The following MYO18A variants were observed in gnomAD, a reference collection of about 807,000 sequenced individuals.
MYO18A encodes myosin XVIIIA, also known as unconventional myosin-XVIIIa.
In MYO18A, 78 loss-of-function variants were observed where a neutral mutation model predicts 235.8. That is an observed-to-expected ratio of 0.33 (90% CI 0.28 to 0.40). The LOEUF is 0.40. Among genes scored for constraint, MYO18A ranks in the 10% least tolerant of loss-of-function variants. The probability of loss-of-function intolerance (pLI) is 1.00; values close to 1 mark genes in which losing one functional copy is unlikely to be tolerated. For synonymous variants in MYO18A, 977 were observed against 1,077.8 expected (o/e 0.91, Z 1.83); for missense variants, 2,215 against 2,699.3 (o/e 0.82, Z 3.98).
intron 2 of MYO18A, chr17:29,133,836 T>C: frequency 2.3e-6 from 3 of 1,289,320 alleles, no homozygotes; most frequent in Non-Finnish European, 3.0e-6. Flanking sequence ...GAAAAGGCCA[T>C]GGCGCTGAAG....
chr17:29,114,935 A>C lies in MYO18A; in HGVS notation c.2483T>G (p.Phe828Cys), dbSNP rs1342570137. ...RLQRLFHERT[F>C]VQELERYKEE... The stretch of plus-strand genomic sequence containing the variant: ...CTTGTATCTTTCCAACTCCTGCACG[A>C]AGGTGCGCTCGTGGAAGAGCCTCTG... The change falls in exon 14 of 42, where the codon TTC (phenylalanine) becomes TGC (cysteine). Residue 828 changes from phenylalanine to cysteine, a missense_variant. Coordinates refer to ENST00000527372, the MANE Select transcript of MYO18A (RefSeq NM_078471.4). The C allele has an allele frequency of 6.2e-7, 1 of 1,613,960 alleles. No homozygotes were observed. The highest frequency in any genetic ancestry group is 8.5e-7 in the Non-Finnish European group (1 of 1,179,866).
intron 21 of MYO18A, among the ~76,000 whole-genome samples, chr17:29,101,599 G>A (rs959666495): frequency 2.0e-5 from 3 of 152,176 alleles, no homozygotes; most frequent in African/African-American, 4.8e-5. Context: ...GAGCCACCAC[G>A]CCTGGCCCCC....
At position 29,082,199 on chromosome 17, in the gene MYO18A, G is replaced by A. The variant is rs78767070; in HGVS notation, c.6020+117C>T. 652 of 1,362,468 alleles carry A rather than the reference G, an allele frequency of 4.8e-4. 1 individual carries two copies. The African/African-American group carries it at 7.4e-3, about 15-fold the overall frequency. 84.4% of individuals were successfully genotyped at this position (1,362,468 alleles called of 1,614,324 possible). A position where few individuals can be genotyped will look rare whatever the true frequency, so the allele number is the denominator to read the frequency against. On this transcript the variant is annotated intron_variant, in intron 41 of 41. Transcript: ENST00000527372. ...CACATGCCAGAAGCATGCCCGGGCCGCAGTCACAAATGCCAGACAAGAGAC... is the reference window on the plus strand; with the variant it reads ...CACATGCCAGAAGCATGCCCGGGCCACAGTCACAAATGCCAGACAAGAGAC...
Position 29,071,238 on chromosome 17 carries a change from A to G in MYO18A, c.*3532T>C, listed in dbSNP as rs1438755412. 6.6e-6 allele frequency: 1 copy of G among 152,164 alleles called. No individual in the cohort carries two copies. The highest frequency in any genetic ancestry group is 6.5e-5 in the Admixed American group (1 of 15,276). The allele number at this position is 152,164 out of a possible 1,614,324, so 9.4% of individuals were successfully genotyped here. A position where few individuals can be genotyped will look rare whatever the true frequency, so the allele number is the denominator to read the frequency against. ...TTCAGGAGTCAGAGCAATCCCGGGGATCTGCAGTTATAGAGGAGGATCTAG... is the reference window on the plus strand; with the variant it reads ...TTCAGGAGTCAGAGCAATCCCGGGGGTCTGCAGTTATAGAGGAGGATCTAG... On this transcript the variant is annotated 3_prime_UTR_variant, in exon 42 of 42. Transcript: ENST00000527372.
chr17:29,079,779 C>T (rs2066071190), intron 41 of MYO18A: 1 of 985,660 alleles, frequency 1.0e-6, no homozygotes, highest in Admixed American at 6.1e-5. Flanking sequence ...GGCTGTCCAC[C>T]TCTTTCTTGC....
At chr17:29,112,968 A>G (rs2066968736) in intron 15 of MYO18A, among the ~76,000 whole-genome samples, 1 of 152,192 alleles carries the variant, frequency 6.6e-6, no homozygotes, top group African/African-American at 2.4e-5. Flanking sequence ...CCAGGGGTGC[A>G]GCCGCCCCAT....
intron 2 of MYO18A, chr17:29,127,997 CCTG>C (rs2067366351): frequency 1.0e-6 from 1 of 999,422 alleles, no homozygotes; most frequent in Non-Finnish European, 1.2e-6. Context: ...GGCTGGGGAT[CCTG>C]CTTTCTCAGG....
chr17:29,117,772 T>C lies in MYO18A; in HGVS notation c.2038+273A>G, dbSNP rs1484501287. On this transcript the variant is annotated intron_variant, in intron 10 of 41. Coordinates refer to ENST00000527372, the MANE Select transcript of MYO18A (RefSeq NM_078471.4). The surrounding 1 kb of genome is among the most constrained non-coding windows in gnomAD (Gnocchi z 4.6). ...CGGGGCTGCCCTGCCTTAGTGCCCT[T>C]CTCATCCCTCAGCCTCTGAACCCCC... is the stretch of plus-strand genomic sequence containing the variant. 6.6e-6 allele frequency among the ~76,000 whole-genome samples: 1 copy of C among 152,144 alleles called. No homozygotes were observed. Among genetic ancestry groups the C allele is most frequent in the African/African-American group, 2.4e-5 (1 of 41,422 alleles).
At chr17:29,097,967 C>A in intron 25 of MYO18A, 68 bp from the exon 26 acceptor site, 1 of 1,575,052 alleles carries the variant, frequency 6.3e-7, no homozygotes, top group Non-Finnish European at 8.6e-7. Flanking sequence ...ACCACACAGA[C>A]CATGATCACA....
rs1380782059 is a variant in MYO18A, at chr17:29,093,327, T to C, written c.4922A>G (p.Asp1641Gly). The stretch of plus-strand genomic sequence containing the variant: ...GTGGGTGGAGCATCCCCTGACCTGG[T>C]CGCTGAGGGTGGCGAGCTTGCCCTC... ...ELEGKLATLS[D>G]QVNRRDFESE... is the part of the protein sequence containing the mutation. The change falls in exon 32 of 42, where the codon GAC becomes GGC. Residue 1641 changes from aspartate to glycine, a missense_variant. By Grantham distance (94) the Asp-to-Gly change is moderately conservative (BLOSUM62 -1). Transcript: ENST00000527372. 6.2e-7 allele frequency: 1 copy of C among 1,610,370 alleles called. No homozygotes were observed. The highest frequency in any genetic ancestry group is 1.1e-5 in the South Asian group (1 of 90,732).
In MYO18A at chr17:29,110,615, T is replaced by C. The variant is rs1168591177; in HGVS notation, c.2908A>G (p.Ile970Val). Residue 970 changes from isoleucine to valine, a missense_variant, in exon 18 of 42, where the codon ATC becomes GTC. Physicochemically the swap from Ile to Val is conservative, Grantham distance 29. Transcript: ENST00000527372. ...GCGCGGCCCAGAAACAGGTTGCTGA[T>C]GATTTTTCTGCCAGAGGTGGGAGGA... ...RLLQDSQKKI[I>V]SNLFLGRAGS... 17 of 1,602,672 alleles carry C rather than the reference T, an allele frequency of 1.1e-5. No homozygotes were observed. Among genetic ancestry groups the C allele is most frequent in the Non-Finnish European group, 1.5e-5 (17 of 1,171,854 alleles).
At chr17:29,133,897 G>A (rs2067534151) in intron 2 of MYO18A, 3 of 1,281,572 alleles carry the variant, frequency 2.3e-6, no homozygotes, top group African/African-American at 1.5e-5. Context: ...GTCTCTCAGT[G>A]TCTCTGAGTC....
At chr17:29,113,966 G>A (rs755088756) in intron 15 of MYO18A, 45 bp downstream of exon 15, 3 of 1,457,268 alleles carry the variant, frequency 2.1e-6, no homozygotes, top group South Asian at 1.2e-5. Flanking sequence ...AGAGGGGTGG[G>A]GAACGAGAGG....
intron 21 of MYO18A, among the ~76,000 whole-genome samples, chr17:29,102,065 A>G (rs2066666705): frequency 2.0e-5 from 3 of 152,104 alleles, no homozygotes; most frequent in African/African-American, 7.2e-5. Flanking sequence ...AGCCTAGACG[A>G]CCTGAACTTT....
intron 23 of MYO18A, 108 bp downstream of exon 23, chr17:29,098,718 C>T: frequency 7.0e-7 from 1 of 1,432,316 alleles, no homozygotes; most frequent in African/African-American, 1.4e-5. Flanking sequence ...GAGCACATTT[C>T]AAGGATGACA....
chr17:29,083,550 A>ACACACACC (rs2066175656), intron 40 of MYO18A, among the ~76,000 whole-genome samples: 1 of 151,720 alleles, frequency 6.6e-6, no homozygotes, highest in Non-Finnish European at 1.5e-5. Context: ...ACACACACAC[A>ACACACACC]CACACACACG....
intron 34 of MYO18A, 52 bp downstream of exon 34, chr17:29,092,291 T>G: frequency 7.3e-7 from 1 of 1,361,206 alleles, no homozygotes; most frequent in Non-Finnish European, 1.0e-6. Context: ...CAGAGGCAGC[T>G]CTATTCTGCC....
rs527900168 is a variant in MYO18A, at chr17:29,173,520, T to C, written c.-81-6499A>G. On this transcript the variant is annotated intron_variant, in intron 1 of 41. Transcript: ENST00000527372. ...CTCCTGCCTCAGCCTCCCGAGTAGC[T>C]GGTACTACAGGCGCCCGCCACCGCG... is the stretch of plus-strand genomic sequence containing the variant. Among the ~76,000 whole-genome samples the C allele has an allele frequency of 7.2e-5, 11 of 151,862 alleles. No homozygotes were observed. The South Asian group carries it at 2.3e-3, about 32-fold the overall frequency.
At position 29,087,007 on chromosome 17, in the gene MYO18A, G is replaced by A. The variant is rs748567160; in HGVS notation, c.5641C>T (p.Arg1881Trp). 19 of 1,613,886 alleles carry A rather than the reference G, an allele frequency of 1.2e-5. No individual in the cohort carries two copies. Among genetic ancestry groups the A allele is most frequent in the Middle Eastern group, 1.6e-4 (1 of 6,082 alleles). ...TCGCCCATCTCCTCCTTGGTGTCCC[G>A]GAGCTGCCTCTGTAGCCGCTTGTTC... The part of the protein sequence containing the change: ...EQNKRLQRQL[R>W]DTKEEMGELA... The change falls in exon 38 of 42, where the codon CGG becomes TGG. Residue 1881 changes from arginine to tryptophan, a missense_variant. Transcript: ENST00000527372.
Sources: allele counts gnomAD v4.1 joint callset (sites outside exome capture counted in the v4.1 genomes callset), GRCh38; gene constraint gnomAD v4.1.1; non-coding constraint Gnocchi (gnomAD v3.1); transcripts MANE v1.5; gene names NCBI Gene and HGNC (gene_info 2026-07-23, HGNC 2026-07-21).